The following SLC4A3 variants were observed in gnomAD, a reference collection of about 807,000 sequenced individuals.
SLC4A3 encodes solute carrier family 4 member 3, also known as anion exchange protein 3.
SLC4A3 carries 47 observed loss-of-function variants against 114.2 expected under a neutral mutation model. The observed-to-expected ratio is 0.41, with a 90% confidence interval of 0.33 to 0.52. The LOEUF is 0.52. Ranked by LOEUF, SLC4A3 falls within the 20% of genes least tolerant of loss-of-function variation. The probability of loss-of-function intolerance (pLI) is 0.21; values close to 1 mark genes in which losing one functional copy is unlikely to be tolerated. For synonymous variants in SLC4A3, 693 were observed against 710.3 expected (o/e 0.98, Z 0.39); for missense variants, 1,312 against 1,668.3 (o/e 0.79, Z 3.72).
Position 219,636,360 on chromosome 2 carries a change from C to T in SLC4A3, c.2250C>T (p.Leu750=), listed in dbSNP as rs61729099. 4.2e-3 allele frequency: 6,792 copies of T among 1,613,766 alleles called. 269 individuals carry two copies. In the African/African-American group the frequency reaches 0.08, roughly 19 times the overall value. ...AGCTGATCGTGTCCACCGCTGTGCT[C>T]GGCGTCCTCTTCTCTCTGCTGGGAG... ...VSELIVSTAV[L]GVLFSLLGAQ... Residue 750 remains leucine (L), a synonymous_variant, in exon 15 of 23, where the codon CTC becomes CTT. Coordinates refer to ENST00000358055, the MANE Select transcript of SLC4A3 (RefSeq NM_005070.4). The surrounding 1 kb of genome is among the most constrained non-coding windows in gnomAD (Gnocchi z 5.5).
Position 219,628,781 on chromosome 2 carries a change from A to G in SLC4A3, c.217+211A>G. ...TGCCTGGGGAGGTGGGCCCCAGACC[A>G]GGGGAGATCTAGGGAGCTGGGCCTG... On this transcript the variant is annotated intron_variant, in intron 3 of 22. Coordinates refer to ENST00000358055, the MANE Select transcript of SLC4A3 (RefSeq NM_005070.4). The surrounding 1 kb of genome is among the most constrained non-coding windows in gnomAD (Gnocchi z 4.8). 1 of 630,090 alleles carries G rather than the reference A, an allele frequency of 1.6e-6. No individual in the cohort carries two copies. The highest frequency in any genetic ancestry group is 2.8e-5 in the East Asian group (1 of 35,518). 39.0% of individuals were successfully genotyped at this position (630,090 alleles called of 1,614,324 possible). A position where few individuals can be genotyped will look rare whatever the true frequency, so the allele number is the denominator to read the frequency against.
In SLC4A3 at chr2:219,634,460, G is replaced by T; in HGVS notation, c.1602G>T (p.Val534=). 6.2e-7 allele frequency: 1 copy of T among 1,614,152 alleles called. No individual in the cohort carries two copies. The highest frequency in any genetic ancestry group is 8.5e-7 in the Non-Finnish European group (1 of 1,180,024). The change falls in exon 12 of 23, where the codon GTG becomes GTT. Residue 534 remains valine (V), a synonymous_variant. Coordinates refer to ENST00000358055, the MANE Select transcript of SLC4A3 (RefSeq NM_005070.4). ...TGGAGCAGCCTGCAGCAGCCTTCGT[G>T]CGTCTGAATGAGGCTGTACTCCTGG... ...PFLEQPAAAF[V]RLNEAVLLES... is the part of the protein sequence containing the mutation.
Position 219,638,042 on chromosome 2 carries a change from G to T in SLC4A3, c.2767-122G>T. The T allele has an allele frequency of 1.2e-6, 1 of 818,356 alleles. No individual in the cohort carries two copies. Among genetic ancestry groups the T allele is most frequent in the Non-Finnish European group, 2.0e-6 (1 of 493,150 alleles). 50.7% of individuals were successfully genotyped at this position (818,356 alleles called of 1,614,324 possible). A position where few individuals can be genotyped will look rare whatever the true frequency, so the allele number is the denominator to read the frequency against. On this transcript the variant is annotated intron_variant, in intron 17 of 22. Transcript: ENST00000358055. This position sits in a 1 kb window ranked among gnomAD's most constrained non-coding sequence, Gnocchi z 7.5. Reference sequence around the variant, plus strand: ...GCGCTGGCACCTGTGGGGTTGAGAGGCACGTGGGGGGCCTTCTGGCTCCAG... The same window carrying T: ...GCGCTGGCACCTGTGGGGTTGAGAGTCACGTGGGGGGCCTTCTGGCTCCAG...
intron 9 of SLC4A3, 33 bp downstream of exon 9, chr2:219,633,042 C>T (rs1396074586): frequency 1.2e-6 from 2 of 1,608,504 alleles, no homozygotes; most frequent in Non-Finnish European, 8.5e-7. Context: ...GGGGCCTGTC[C>T]AGCTCAGCTG....
chr2:219,636,166 G>A lies in SLC4A3; in HGVS notation c.2192-136G>A. The stretch of plus-strand genomic sequence containing the variant: ...GTGGGGAGGGTTTGGGAGCAATGGG[G>A]TATGGAAGGGGCCCTGTGTGTCACT... On this transcript the variant is annotated intron_variant, in intron 14 of 22. Coordinates refer to ENST00000358055, the MANE Select transcript of SLC4A3 (RefSeq NM_005070.4). This position sits in a 1 kb window ranked among gnomAD's most constrained non-coding sequence, Gnocchi z 5.5. 2 of 995,694 alleles carry A rather than the reference G, an allele frequency of 2.0e-6. No individual in the cohort carries two copies. Among genetic ancestry groups the A allele is most frequent in the South Asian group, 1.5e-5 (1 of 67,612 alleles). The allele number at this position is 995,694 out of a possible 1,614,324, so 61.7% of individuals were successfully genotyped here.
Position 219,636,738 on chromosome 2 carries a change from T to C in SLC4A3, c.2399T>C (p.Leu800Pro), listed in dbSNP as rs760832221. 1 of 1,614,076 alleles carries C rather than the reference T, an allele frequency of 6.2e-7. No homozygotes were observed. Among genetic ancestry groups the C allele is most frequent in the Non-Finnish European group, 8.5e-7 (1 of 1,179,968 alleles). ...GGCCGGGTGTGGGTTGGTCTCTGGC[T>C]GGTGGTCTTCGTCCTTGCCCTGGTG... ...LTGRVWVGLW[L>P]VVFVLALVAA... The change falls in exon 16 of 23, where the codon CTG becomes CCG. Residue 800 changes from leucine (L) to proline (P), a missense_variant. Coordinates refer to ENST00000358055, the MANE Select transcript of SLC4A3 (RefSeq NM_005070.4). This position sits in a 1 kb window ranked among gnomAD's most constrained non-coding sequence, Gnocchi z 5.5.
chr2:219,640,537 C>CA lies in SLC4A3; in HGVS notation c.3386dup (p.Arg1130AlafsTer14). The stretch of plus-strand genomic sequence containing the variant: ...GTCCCTGTCTGGTATCCAGCTGTCC[C>CA]AGCGTTTGTTGCTCATCCTCATGCC... On this transcript the variant is annotated frameshift_variant, in exon 21 of 23. Coordinates refer to ENST00000358055, the MANE Select transcript of SLC4A3 (RefSeq NM_005070.4). LOFTEE classifies it high-confidence loss of function. 6.2e-7 allele frequency: 1 copy of CA among 1,614,156 alleles called. No homozygotes were observed. The highest frequency in any genetic ancestry group is 8.5e-7 in the Non-Finnish European group (1 of 1,180,022).
Position 219,639,799 on chromosome 2 carries a change from A to G in SLC4A3, c.3277+64A>G. Reference sequence around the variant, plus strand: ...GGCCCCACGGTCTTACATCTTCACTATCCCAGGCTTGACCCTGAATCTCCC... The same window carrying G: ...GGCCCCACGGTCTTACATCTTCACTGTCCCAGGCTTGACCCTGAATCTCCC... On this transcript the variant is annotated intron_variant, in intron 20 of 22. Coordinates refer to ENST00000358055, the MANE Select transcript of SLC4A3 (RefSeq NM_005070.4). The surrounding 1 kb of genome is among the most constrained non-coding windows in gnomAD (Gnocchi z 5.9). 1.3e-6 allele frequency: 2 copies of G among 1,570,844 alleles called. No individual in the cohort carries two copies. The highest frequency in any genetic ancestry group is 1.1e-5 in the South Asian group (1 of 87,600).
At chr2:219,629,018 CA>C in intron 3 of SLC4A3, 125 bp from the exon 4 acceptor site, 1 of 1,165,656 alleles carries the variant, frequency 8.6e-7, no homozygotes. Context: ...GTTGGGGGGT[CA>C]TGGCCCTGGA....
rs1364800826 is a variant in SLC4A3 at position 219,639,561 on chromosome 2, G to A, written c.3103G>A (p.Gly1035Arg). ...GGACCTGCTCCTCATTGGCTCCCTGGGGGGGCTCTGTGGGCTGTTTGGGTT... is the reference window on the plus strand; with the variant it reads ...GGACCTGCTCCTCATTGGCTCCCTGAGGGGGCTCTGTGGGCTGTTTGGGTT... Reference protein sequence around the residue: ...HLDLLLIGSLGGLCGLFGLPW... With the variant: ...HLDLLLIGSLRGLCGLFGLPW... Residue 1035 changes from glycine (G) to arginine (R), a missense_variant, in exon 20 of 23, where the codon GGG (glycine) becomes AGG (arginine). Around this residue, in one of 4 missense-constraint regions of SLC4A3, gnomAD observed 301 missense variants for 460.7 expected, o/e 0.65. Coordinates refer to ENST00000358055, the MANE Select transcript of SLC4A3 (RefSeq NM_005070.4). This position sits in a 1 kb window ranked among gnomAD's most constrained non-coding sequence, Gnocchi z 5.9. 6.2e-7 allele frequency: 1 copy of A among 1,613,932 alleles called. No homozygotes were observed. Among genetic ancestry groups the A allele is most frequent in the Non-Finnish European group, 8.5e-7 (1 of 1,180,036 alleles).
In SLC4A3 at chr2:219,630,259, G is replaced by A. The variant is rs1371317579; in HGVS notation, c.718G>A (p.Ala240Thr). 1 of 1,613,238 alleles carries A rather than the reference G, an allele frequency of 6.2e-7. No homozygotes were observed. The highest frequency in any genetic ancestry group is 8.5e-7 in the Non-Finnish European group (1 of 1,179,830). The change falls in exon 6 of 23, where the codon GCC becomes ACC. Residue 240 changes from alanine to threonine, a missense_variant. Transcript: ENST00000358055. The surrounding 1 kb of genome is among the most constrained non-coding windows in gnomAD (Gnocchi z 6.9). ...DLRERLCPGS[A>T]LGNPGGPEQQ... ...GCGGGAGCGACTGTGCCCAGGCAGT[G>A]CCCTGGGCAACCCAGGTGGTCCAGA...
chr2:219,637,529 G>A lies in SLC4A3; in HGVS notation c.2536-52G>A, dbSNP rs1574655784. 1.9e-6 allele frequency: 2 copies of A among 1,028,720 alleles called. No homozygotes were observed. The highest frequency in any genetic ancestry group is 4.8e-5 in the East Asian group (2 of 41,816). The allele number at this position is 1,028,720 out of a possible 1,614,324, so 63.7% of individuals were successfully genotyped here. A position where few individuals can be genotyped will look rare whatever the true frequency, so the allele number is the denominator to read the frequency against. On this transcript the variant is annotated intron_variant, in intron 16 of 22. Coordinates refer to ENST00000358055, the MANE Select transcript of SLC4A3 (RefSeq NM_005070.4). This position sits in a 1 kb window ranked among gnomAD's most constrained non-coding sequence, Gnocchi z 4.6. ...TCACAGGTGTACTGATGACGATGAA[G>A]TCAGGTCACCTGCCAGGTGAGTGAC...
chr2:219,633,547 G>T (rs1336144328), intron 10 of SLC4A3, 90 bp downstream of exon 10: 6 of 1,222,102 alleles, frequency 4.9e-6, no homozygotes, highest in Non-Finnish European at 5.5e-6. Flanking sequence ...AGTGGGTTGG[G>T]AAGGTTGGAT....
At chr2:219,634,636 C>T (rs746542699) in intron 12 of SLC4A3, 32 bp downstream of exon 12, 1 of 1,603,608 alleles carries the variant, frequency 6.2e-7, no homozygotes, top group African/African-American at 1.3e-5. Flanking sequence ...AAGGCCTCTT[C>T]TCCTAGGCCC....
In SLC4A3 at chr2:219,637,884, C is replaced by T. The variant is rs1002366729; in HGVS notation, c.2766+73C>T. 818 of 1,242,618 alleles carry T rather than the reference C, an allele frequency of 6.6e-4. 2 individuals carry two copies. Among genetic ancestry groups the T allele is most frequent in the Non-Finnish European group, 7.1e-4 (604 of 850,888 alleles). 77.0% of individuals were successfully genotyped at this position (1,242,618 alleles called of 1,614,324 possible). A position where few individuals can be genotyped will look rare whatever the true frequency, so the allele number is the denominator to read the frequency against. ...CTGTAGGAGCTCCCCAGAGAGGCTG[C>T]ACCCCTTCCCCGGTCAGCCCATGGA... On this transcript the variant is annotated intron_variant, in intron 17 of 22. Transcript: ENST00000358055. This position sits in a 1 kb window ranked among gnomAD's most constrained non-coding sequence, Gnocchi z 4.6.
chr2:219,628,737 C>G lies in SLC4A3; in HGVS notation c.217+167C>G, dbSNP rs540408725. 4.0e-6 allele frequency: 3 copies of G among 745,600 alleles called. No individual in the cohort carries two copies. Among genetic ancestry groups the G allele is most frequent in the Admixed American group, 2.9e-5 (1 of 34,066 alleles). 46.2% of individuals were successfully genotyped at this position (745,600 alleles called of 1,614,324 possible). ...CCGTGTTCAGTCATCCTGCCTCCCCCACCCATCGCCTGTCCGCCTGCCTGG... is the reference window on the plus strand; with the variant it reads ...CCGTGTTCAGTCATCCTGCCTCCCCGACCCATCGCCTGTCCGCCTGCCTGG... On this transcript the variant is annotated intron_variant, in intron 3 of 22. Coordinates refer to ENST00000358055, the MANE Select transcript of SLC4A3 (RefSeq NM_005070.4). This position sits in a 1 kb window ranked among gnomAD's most constrained non-coding sequence, Gnocchi z 4.8.
At chr2:219,629,724 G>T in intron 5 of SLC4A3, 29 bp downstream of exon 5, 2 of 1,504,176 alleles carry the variant, frequency 1.3e-6, no homozygotes, top group East Asian at 4.6e-5. Context: ...ACTCAGCAGG[G>T]CCCAGCCCAG....
chr2:219,638,377 C>A lies in SLC4A3; in HGVS notation c.2856+124C>A. 1 of 799,768 alleles carries A rather than the reference C, an allele frequency of 1.3e-6. No individual in the cohort carries two copies. Among genetic ancestry groups the A allele is most frequent in the Non-Finnish European group, 2.0e-6 (1 of 488,620 alleles). 49.5% of individuals were successfully genotyped at this position (799,768 alleles called of 1,614,324 possible). Reference sequence around the variant, plus strand: ...GAACTCAACTTTCCCAGTGGAGTGGCCGCCCTGGGGGCTGAGGGCCTTCCC... The same window carrying A: ...GAACTCAACTTTCCCAGTGGAGTGGACGCCCTGGGGGCTGAGGGCCTTCCC... On this transcript the variant is annotated intron_variant, in intron 18 of 22. Coordinates refer to ENST00000358055, the MANE Select transcript of SLC4A3 (RefSeq NM_005070.4). This position sits in a 1 kb window ranked among gnomAD's most constrained non-coding sequence, Gnocchi z 7.5.
Position 219,640,935 on chromosome 2 carries a change from G to C in SLC4A3, c.3594G>C (p.Arg1198=), listed in dbSNP as rs1216160185. ...CTCTGAGGCATTGCCTTCTGCCCCG[G>C]CTCTTCCAGGACAGGGAGCTGCAGG... is the stretch of plus-strand genomic sequence containing the variant. ...TVPLRHCLLP[R]LFQDRELQAL... Residue 1198 remains arginine, a synonymous_variant, in exon 22 of 23, where the codon CGG becomes CGC. Coordinates refer to ENST00000358055, the MANE Select transcript of SLC4A3 (RefSeq NM_005070.4). 6.2e-7 allele frequency: 1 copy of C among 1,607,734 alleles called. No homozygotes were observed.
Sources: allele counts gnomAD v4.1 joint callset, GRCh38; gene constraint gnomAD v4.1.1; regional missense constraint gnomAD v4.1.1; non-coding constraint Gnocchi (gnomAD v3.1); transcripts MANE v1.5; gene names NCBI Gene and HGNC (gene_info 2026-07-23, HGNC 2026-07-21).